Variants in ADAMTSL3 observed in about 807,000 individuals in gnomAD.
ADAMTSL3 encodes ADAMTS like 3.
ADAMTSL3 carries 128 observed loss-of-function variants against 201.7 expected under a neutral mutation model. The ratio of observed to expected loss-of-function variants is 0.63; its 90% CI spans 0.55 to 0.73. ADAMTSL3 has a LOEUF of 0.73. Ranked by LOEUF, ADAMTSL3 falls within the 30% of genes least tolerant of loss-of-function variation. The pLI is 0.00. For synonymous variants in ADAMTSL3, 738 were observed against 748.4 expected (o/e 0.99, Z 0.23); for missense variants, 1,990 against 2,119.6 (o/e 0.94, Z 1.20).
At chr15:83,851,674 C>T (rs2064617488) in intron 7 of ADAMTSL3, among the ~76,000 whole-genome samples, 1 of 152,124 alleles carries the variant, frequency 6.6e-6, no homozygotes. Flanking sequence ...ACAAACATGT[C>T]ATGTATTCAA....
intron 10 of ADAMTSL3, among the ~76,000 whole-genome samples, chr15:83,888,616 T>A (rs1172006567): frequency 1.3e-5 from 2 of 152,228 alleles, no homozygotes; most frequent in East Asian, 3.9e-4. Flanking sequence ...GGTACTTGAA[T>A]GGACTTTCCT....
chr15:83,867,778 G>A (rs1025938723), intron 8 of ADAMTSL3, among the ~76,000 whole-genome samples: 4 of 152,150 alleles, frequency 2.6e-5, no homozygotes, highest in African/African-American at 9.7e-5. Flanking sequence ...ACCTCTTGGG[G>A]ATGGTTACCA....
At chr15:83,941,077 T>A (rs933331686) in intron 17 of ADAMTSL3, among the ~76,000 whole-genome samples, 6 of 151,908 alleles carry the variant, frequency 3.9e-5, no homozygotes, top group African/African-American at 1.2e-4. Context: ...TTAAATTTTT[T>A]AATTTTTTTT....
At chr15:84,013,125 T>C (rs62026480) in intron 23 of ADAMTSL3, among the ~76,000 whole-genome samples, 69 of 152,320 alleles carry the variant, frequency 4.5e-4, no homozygotes, top group East Asian at 3.3e-3. Context: ...CATTTCTAGA[T>C]AACAGTTTCC....
chr15:83,996,453 G>A (rs2401185), intron 23 of ADAMTSL3, among the ~76,000 whole-genome samples: 27,654 of 151,976 alleles, frequency 0.18, 3,457 homozygotes, highest in African/African-American at 0.35. Context: ...TATAGAAATA[G>A]CTTCTCTGAA....
At position 83,897,894 on chromosome 15, in the gene ADAMTSL3, G is replaced by C; in HGVS notation, c.1504G>C (p.Val502Leu). 3 of 1,613,484 alleles carry C rather than the reference G, an allele frequency of 1.9e-6. No individual in the cohort carries two copies. The highest frequency in any genetic ancestry group is 2.5e-6 in the Non-Finnish European group (3 of 1,179,594). ...TTGTGGCCGAGGGTTACGGTACCGG[G>C]TTGTTCTGTGTATTAACCACCGCGG... ...VTCGRGLRYR[V>L]VLCINHRGEH... The change falls in exon 14 of 30, where the codon GTT (valine) becomes CTT (leucine). Residue 502 changes from valine to leucine, a missense_variant. Coordinates refer to ENST00000286744, the MANE Select transcript of ADAMTSL3 (RefSeq NM_207517.3).
chr15:83,702,490 G>A (rs537572931), intron 2 of ADAMTSL3, among the ~76,000 whole-genome samples: 5 of 152,304 alleles, frequency 3.3e-5, no homozygotes, highest in Non-Finnish European at 5.9e-5. Context: ...GTGGTTTTGC[G>A]GGCTGGGCCC....
At chr15:83,711,121 T>C (rs2141530692) in intron 3 of ADAMTSL3, among the ~76,000 whole-genome samples, 2 of 152,342 alleles carry the variant, frequency 1.3e-5, no homozygotes, top group East Asian at 3.9e-4. Context: ...AATTTTCCTT[T>C]TCCTCGTTTA....
At chr15:83,817,095 A>G (rs1013800003) in intron 5 of ADAMTSL3, among the ~76,000 whole-genome samples, 1 of 152,252 alleles carries the variant, frequency 6.6e-6, no homozygotes, top group Non-Finnish European at 1.5e-5. Flanking sequence ...TGGATGCAAT[A>G]TAGGATTTTG....
At position 83,991,202 on chromosome 15, in the gene ADAMTSL3, T is replaced by C. The variant is rs1479568738; in HGVS notation, c.3961T>C (p.Cys1321Arg). Residue 1321 changes from cysteine (C) to arginine (R), a missense_variant, in exon 23 of 30, where the codon TGT becomes CGT. Coordinates refer to ENST00000286744, the MANE Select transcript of ADAMTSL3 (RefSeq NM_207517.3). ...CCTTGGAGCAAACGTGACAATCCGA[T>C]GTCCTGTAAAAGGTAAGTGTGGTCA... Reference protein sequence around the residue: ...AALGANVTIRCPVKGVPQPNI... With the variant: ...AALGANVTIRRPVKGVPQPNI... 6.2e-7 allele frequency: 1 copy of C among 1,614,182 alleles called. No homozygotes were observed. The highest frequency in any genetic ancestry group is 8.5e-7 in the Non-Finnish European group (1 of 1,180,008).
chr15:83,679,802 A>G (rs1468604939), intron 2 of ADAMTSL3, among the ~76,000 whole-genome samples: 2 of 152,076 alleles, frequency 1.3e-5, no homozygotes, highest in Non-Finnish European at 2.9e-5. Context: ...GCCTGCCACC[A>G]CTGGGTAAGG....
intron 17 of ADAMTSL3, among the ~76,000 whole-genome samples, chr15:83,935,629 T>C (rs573725973): frequency 3.9e-5 from 6 of 152,176 alleles, no homozygotes; most frequent in Middle Eastern, 3.4e-3. Context: ...GTCAGAGATA[T>C]AGAAAAGATC....
intron 16 of ADAMTSL3, among the ~76,000 whole-genome samples, chr15:83,921,951 C>T (rs2066153970): frequency 1.3e-5 from 2 of 151,844 alleles, no homozygotes. Flanking sequence ...GATAACACTG[C>T]AAAAGTCATA....
At position 83,870,915 on chromosome 15, in the gene ADAMTSL3, A is replaced by G; in HGVS notation, c.916A>G (p.Thr306Ala). ...ATTTCAGAGGGGCTCCGAGAGGCAA[A>G]CTTTTAAGATTCCAGGACCTCTGAT... ...VEFQRGSERQTFKIPGPLMAD... is the reference protein window; with the variant it reads ...VEFQRGSERQAFKIPGPLMAD... The change falls in exon 9 of 30, where the codon ACT becomes GCT. Residue 306 changes from threonine (T) to alanine (A), a missense_variant. Thr to Ala is a moderately conservative substitution (Grantham distance 58). Transcript: ENST00000286744. 1.2e-6 allele frequency: 2 copies of G among 1,613,498 alleles called. No individual in the cohort carries two copies. Among genetic ancestry groups the G allele is most frequent in the Non-Finnish European group, 1.7e-6 (2 of 1,179,794 alleles).
chr15:83,750,867 T>G (rs879732542), intron 3 of ADAMTSL3, among the ~76,000 whole-genome samples: 1 of 152,224 alleles, frequency 6.6e-6, no homozygotes, highest in African/African-American at 2.4e-5. Context: ...ACATTTTAAT[T>G]CGTTGATTCA....
At chr15:83,914,540 C>T (rs2065994260) in intron 16 of ADAMTSL3, among the ~76,000 whole-genome samples, 4 of 152,226 alleles carry the variant, frequency 2.6e-5, no homozygotes, top group Admixed American at 2.6e-4. Flanking sequence ...CCAGGCTGCC[C>T]CTAAACTACT....
intron 3 of ADAMTSL3, among the ~76,000 whole-genome samples, chr15:83,743,738 G>A (rs2062497232): frequency 6.6e-6 from 1 of 152,166 alleles, no homozygotes; most frequent in Non-Finnish European, 1.5e-5. Context: ...AGAATAGACA[G>A]CAGTTGTATG....
chr15:83,851,715 A>AT (rs1263984640), intron 7 of ADAMTSL3, among the ~76,000 whole-genome samples: 1 of 152,218 alleles, frequency 6.6e-6, no homozygotes, highest in Non-Finnish European at 1.5e-5. Context: ...ATGTGTTATC[A>AT]TATTAGTGTG....
At chr15:83,872,267 T>C (rs956543906) in intron 9 of ADAMTSL3, among the ~76,000 whole-genome samples, 3 of 152,136 alleles carry the variant, frequency 2.0e-5, no homozygotes, top group African/African-American at 7.2e-5. Context: ...AACAGCTGCC[T>C]TCCAGTCTCG....
Sources: gnomAD v4.1 joint callset for allele counts (sites outside exome capture counted in the v4.1 genomes callset) on GRCh38, gnomAD v4.1.1 for gene constraint, MANE v1.5 for transcripts, NCBI Gene and HGNC (gene_info 2026-07-23, HGNC 2026-07-21) for gene names.